CAPZB: variants seen among roughly 807,000 people sequenced by gnomAD.
CAPZB encodes the protein F-actin-capping protein subunit beta.
In CAPZB, 2 loss-of-function variants were observed where a neutral mutation model predicts 38.1. That is an observed-to-expected ratio of 0.05 (90% confidence interval 0.02 to 0.17). The LOEUF is 0.17. Ranked by LOEUF, CAPZB falls within the 10% of genes least tolerant of loss-of-function variation. The pLI is 1.00. For synonymous variants in CAPZB, 107 were observed against 127.4 expected (o/e 0.84, Z 1.08); for missense variants, 161 against 334.2 (o/e 0.48, Z 4.04).
intron 1 of CAPZB, among the ~76,000 whole-genome samples, chr1:19,464,514 G>T (rs779571853): frequency 6.6e-6 from 1 of 151,784 alleles, no homozygotes; most frequent in African/African-American, 2.4e-5. Flanking sequence ...GGATGGTCTC[G>T]ATCTCTTGAC....
chr1:19,350,777 G>A (rs1401448969), intron 6 of CAPZB, among the ~76,000 whole-genome samples: 1 of 151,924 alleles, frequency 6.6e-6, no homozygotes, highest in East Asian at 1.9e-4. Context: ...TGCCTCACCT[G>A]GCTAATTTTT....
intron 1 of CAPZB, among the ~76,000 whole-genome samples, chr1:19,461,932 T>G (rs529677375): frequency 6.6e-6 from 1 of 152,298 alleles, no homozygotes; most frequent in South Asian, 2.1e-4. Context: ...TTGAATACTG[T>G]CTCTGGCACA....
rs374531497 is a variant in CAPZB, at chr1:19,360,764, G to A, written c.330-3201C>T. On this transcript the variant is annotated intron_variant, in intron 4 of 8. Transcript: ENST00000264202. ...CACCCTGTGGCCTGGCTCCCACTACGGGCAGCTTCTCCTTGGCGGGCCACG... is the reference window on the plus strand; with the variant it reads ...CACCCTGTGGCCTGGCTCCCACTACAGGCAGCTTCTCCTTGGCGGGCCACG... Among the ~76,000 whole-genome samples the A allele has an allele frequency of 1.7e-4, 26 of 152,250 alleles. 1 individual carries two copies. The highest frequency in any genetic ancestry group is 2.9e-4 in the African/African-American group (12 of 41,544).
intron 1 of CAPZB, among the ~76,000 whole-genome samples, chr1:19,473,258 C>T (rs1014122537): frequency 2.6e-5 from 4 of 152,188 alleles, no homozygotes; most frequent in Admixed American, 2.6e-4. Flanking sequence ...CCATCTCTGC[C>T]CCTTCCTAGC....
Position 19,350,068 on chromosome 1 carries a change from C to CA in CAPZB, c.589-4817dup, listed in dbSNP as rs1386541634. Among the ~76,000 whole-genome samples, 3 of 152,234 alleles carry CA rather than the reference C, an allele frequency of 2.0e-5. No individual in the cohort carries two copies. In the East Asian group the frequency reaches 5.8e-4, roughly 29 times the overall value. On this transcript the variant is annotated intron_variant, in intron 6 of 8. Transcript: ENST00000264202. ...AGCCGGAGCCTGGCCCGTGTGTCCC[C>CA]AGCAGGCGCCTCTCCTCCTCCCCAT...
At chr1:19,341,603 G>A (rs545017662) in intron 8 of CAPZB, among the ~76,000 whole-genome samples, 1 of 152,356 alleles carries the variant, frequency 6.6e-6, no homozygotes, top group South Asian at 2.1e-4. Flanking sequence ...CTCTGTGGGA[G>A]GGAGGAGTCA....
intron 4 of CAPZB, among the ~76,000 whole-genome samples, chr1:19,361,348 G>A (rs2100338607): frequency 6.6e-6 from 1 of 152,344 alleles, no homozygotes; most frequent in East Asian, 1.9e-4. Flanking sequence ...ATTCAAGAAT[G>A]GACTTGCATT....
chr1:19,432,042 CAAAAAA>C lies in CAPZB; in HGVS notation c.4-12298_4-12293del, dbSNP rs10583269. ...TGCATAACAGAATGAGATCCTGTCT[CAAAAAA>C]AAAAAAAAAAAAAAAAAGAAAAAAA... is the stretch of plus-strand genomic sequence containing the variant. On this transcript the variant is annotated intron_variant, in intron 1 of 8. Transcript: ENST00000264202. 7.7e-3 allele frequency among the ~76,000 whole-genome samples: 939 copies of C among 122,430 alleles called. 3 individuals carry two copies. Among genetic ancestry groups the C allele is most frequent in the Middle Eastern group, 0.023 (5 of 218 alleles). The allele number at this position is 122,430 out of a possible 152,430, so 80.3% of individuals were successfully genotyped here. A position where few individuals can be genotyped will look rare whatever the true frequency, so the allele number is the denominator to read the frequency against.
intron 4 of CAPZB, among the ~76,000 whole-genome samples, chr1:19,362,401 T>A (rs1468684504): frequency 1.3e-5 from 2 of 152,130 alleles, no homozygotes; most frequent in Non-Finnish European, 2.9e-5. Flanking sequence ...CATGCCTGGA[T>A]AATTATTGTA....
chr1:19,480,098 C>T (rs564523189), intron 1 of CAPZB, among the ~76,000 whole-genome samples: 53 of 152,296 alleles, frequency 3.5e-4, no homozygotes, highest in Admixed American at 3.3e-3. Flanking sequence ...GGGCAGACCA[C>T]AGCACCCATG....
At chr1:19,358,600 A>C (rs1268953303) in intron 4 of CAPZB, among the ~76,000 whole-genome samples, 4 of 152,256 alleles carry the variant, frequency 2.6e-5, no homozygotes, top group Admixed American at 2.6e-4. Context: ...CCGTGAGCAG[A>C]GGTGAGGGGT....
intron 6 of CAPZB, among the ~76,000 whole-genome samples, chr1:19,351,981 G>A (rs1041294865): frequency 1.2e-4 from 19 of 152,252 alleles, no homozygotes; most frequent in South Asian, 2.1e-4. Context: ...AAACCCAGAC[G>A]CCCCTTGAAG....
intron 1 of CAPZB, among the ~76,000 whole-genome samples, chr1:19,431,803 GCAATGGCTTA>G (rs2100581786): frequency 6.6e-6 from 1 of 152,052 alleles, no homozygotes; most frequent in South Asian, 2.1e-4. Flanking sequence ...CGGGCTGCAA[GCAATGGCTTA>G]CACCTGTAAT....
chr1:19,471,274 C>G (rs2094586049), intron 1 of CAPZB, among the ~76,000 whole-genome samples: 1 of 151,990 alleles, frequency 6.6e-6, no homozygotes, highest in African/African-American at 2.4e-5. Context: ...TATACTTGTT[C>G]CAAAACGAGG....
intron 1 of CAPZB, 166 bp from the exon 2 acceptor site, chr1:19,419,916 G>A: frequency 1.8e-6 from 1 of 569,640 alleles, no homozygotes; most frequent in Non-Finnish European, 3.1e-6. Flanking sequence ...GGGGGCGACT[G>A]TGCAGGCTGT....
intron 1 of CAPZB, among the ~76,000 whole-genome samples, chr1:19,471,676 A>G (rs1007161304): frequency 2.5e-4 from 38 of 152,230 alleles, no homozygotes; most frequent in African/African-American, 7.5e-4. Flanking sequence ...CATCCTGGCT[A>G]ACACGGTGAA....
chr1:19,386,041 G>A (rs542670196), intron 2 of CAPZB, among the ~76,000 whole-genome samples: 6 of 152,300 alleles, frequency 3.9e-5, no homozygotes, highest in South Asian at 2.1e-4. Flanking sequence ...AAACTCGTCC[G>A]TGCCGGGAAC....
intron 2 of CAPZB, among the ~76,000 whole-genome samples, chr1:19,410,035 T>C (rs1355455671): frequency 6.6e-6 from 1 of 152,248 alleles, no homozygotes; most frequent in Non-Finnish European, 1.5e-5. Context: ...TATTGAACAA[T>C]TATTTTTCTC....
chr1:19,464,925 G>A (rs114576151), intron 1 of CAPZB, among the ~76,000 whole-genome samples: 2,243 of 152,280 alleles, frequency 0.015, 29 homozygotes, highest in Middle Eastern at 0.037. Flanking sequence ...GGGGCATGAA[G>A]GGACTTTTTA....
Sources: gnomAD v4.1 joint callset for allele counts (sites outside exome capture counted in the v4.1 genomes callset) on GRCh38, gnomAD v4.1.1 for gene constraint, MANE v1.5 for transcripts, NCBI Gene and HGNC (gene_info 2026-07-23, HGNC 2026-07-21) for gene names.